TBCE: variants seen among roughly 807,000 people sequenced by gnomAD.
TBCE encodes tubulin folding cofactor E, also known as tubulin-specific chaperone E.
TBCE carries 53 observed loss-of-function variants against 77.0 expected under a neutral mutation model. The observed-to-expected ratio is 0.69, with a 90% CI of 0.55 to 0.87. The LOEUF is 0.87. Ranked by LOEUF, TBCE falls within the 40% of genes least tolerant of loss-of-function variation. The pLI, the probability that TBCE is intolerant of heterozygous loss-of-function variation, is 0.00. For missense variants in TBCE, 624 were observed against 622.4 expected, an observed-to-expected ratio of 1.00 and a Z score of -0.03; for synonymous variants, 235 against 241.3, an observed-to-expected ratio of 0.97 and a Z score of 0.24.
At chr1:235,412,136 CT>C in intron 3 of TBCE, among the ~76,000 whole-genome samples, 1 of 13,070 alleles carries the variant, frequency 7.7e-5, no homozygotes, top group South Asian at 2.7e-3. Context: ...TTCCCTTCTC[CT>C]CCCCTTCCCC....
At chr1:235,414,100 C>T (rs1463310495) in intron 3 of TBCE, 1 of 324,674 alleles carries the variant, frequency 3.1e-6, no homozygotes, top group South Asian at 2.6e-5. Context: ...AGGTGGTCCT[C>T]CTGCCTTGGC....
At chr1:235,370,530 C>T (rs12129038) in intron 1 of TBCE, among the ~76,000 whole-genome samples, 27,824 of 148,432 alleles carry the variant, frequency 0.19, 2,798 homozygotes, top group Middle Eastern at 0.28. Flanking sequence ...GGATTACAGG[C>T]GTGAGCCACT....
chr1:235,411,641 A>G (rs1279688032), intron 3 of TBCE, among the ~76,000 whole-genome samples: 1 of 152,226 alleles, frequency 6.6e-6, no homozygotes, highest in Non-Finnish European at 1.5e-5. Flanking sequence ...CAGAGCAGCC[A>G]GTAAACTAGG....
intron 7 of TBCE, among the ~76,000 whole-genome samples, chr1:235,431,143 C>T (rs1681059907): frequency 2.0e-5 from 3 of 152,038 alleles, no homozygotes; most frequent in African/African-American, 7.2e-5. Context: ...CCTGAGTTTT[C>T]CTGTTAGTTT....
chr1:235,421,707 CA>C (rs200460972), intron 5 of TBCE, among the ~76,000 whole-genome samples: 1 of 149,636 alleles, frequency 6.7e-6, no homozygotes, highest in Non-Finnish European at 1.5e-5. Context: ...GACTCTGTTT[CA>C]AAAAAAAAGA....
intron 3 of TBCE, among the ~76,000 whole-genome samples, chr1:235,402,213 A>G (rs1679154761): frequency 6.6e-6 from 1 of 151,678 alleles, no homozygotes; most frequent in Non-Finnish European, 1.5e-5. Flanking sequence ...ACAGGTGCCC[A>G]CGACCACGCC....
At chr1:235,386,157 T>A (rs1471990796) in intron 2 of TBCE, among the ~76,000 whole-genome samples, 1 of 152,184 alleles carries the variant, frequency 6.6e-6, no homozygotes, top group Non-Finnish European at 1.5e-5. Context: ...CACTCTCTTC[T>A]GGCTTGTAGA....
intron 7 of TBCE, among the ~76,000 whole-genome samples, chr1:235,431,363 C>CTT (rs60208965): frequency 2.1e-5 from 3 of 141,296 alleles, no homozygotes; most frequent in Non-Finnish European, 3.1e-5. Context: ...ATTCCACTTT[C>CTT]TTTTTTTTTT....
intron 4 of TBCE, 91 bp downstream of exon 4, chr1:235,414,709 A>ATG: frequency 7.7e-7 from 1 of 1,298,928 alleles, no homozygotes. Flanking sequence ...GATGCTCATG[A>ATG]CTTTGCTCCT....
intron 4 of TBCE, chr1:235,418,416 C>T (rs1680216796): frequency 6.6e-6 from 1 of 152,196 alleles, no homozygotes; most frequent in African/African-American, 2.4e-5. Context: ...GGTCTGGTTC[C>T]AGATTCTGTG....
At chr1:235,406,482 T>C (rs1679435922) in intron 3 of TBCE, among the ~76,000 whole-genome samples, 1 of 152,250 alleles carries the variant, frequency 6.6e-6, no homozygotes, top group Admixed American at 6.5e-5. Flanking sequence ...CCGCACAGAC[T>C]AGATCGTCTT....
At chr1:235,439,335 C>CA (rs564864054) in intron 13 of TBCE, among the ~76,000 whole-genome samples, 2,044 of 140,892 alleles carry the variant, frequency 0.015, 68 homozygotes, top group African/African-American at 0.048. Context: ...ACTAAAAATA[C>CA]AAAAAAAAAA....
At chr1:235,394,442 T>TTG (rs1678605821) in intron 2 of TBCE, among the ~76,000 whole-genome samples, 1 of 130,244 alleles carries the variant, frequency 7.7e-6, no homozygotes. Flanking sequence ...TTTTTTTTTT[T>TTG]TGAGACAGGT....
intron 3 of TBCE, among the ~76,000 whole-genome samples, chr1:235,412,930 A>G (rs1445118299): frequency 6.6e-6 from 1 of 152,088 alleles, no homozygotes; most frequent in Admixed American, 6.6e-5. Context: ...CAGCCTCCCC[A>G]GTAGCTGGGA....
At chr1:235,389,930 C>T (rs1238169037) in intron 2 of TBCE, among the ~76,000 whole-genome samples, 2 of 152,018 alleles carry the variant, frequency 1.3e-5, no homozygotes, top group Non-Finnish European at 2.9e-5. Flanking sequence ...TGAGACCAGC[C>T]TGACCAACAT....
chr1:235,421,227 C>T (rs1018116546), intron 5 of TBCE, among the ~76,000 whole-genome samples: 4 of 151,664 alleles, frequency 2.6e-5, no homozygotes, highest in African/African-American at 7.3e-5. Context: ...GGCAACATTG[C>T]CAGACCTTGT....
chr1:235,443,110 C>T lies in TBCE; in HGVS notation c.1399+199C>T, dbSNP rs570627275. ...ATGCCCCCAAAAGTTCAGGTCTCCC[C>T]TAACTTTATCAGCTGAAAGCAGTTC... On this transcript the variant is annotated intron_variant, in intron 15 of 16. Transcript: ENST00000642610. 8.1e-5 allele frequency: 49 copies of T among 602,968 alleles called. No homozygotes were observed. The South Asian group carries it at 9.4e-4, about 12-fold the overall frequency. The allele number at this position is 602,968 out of a possible 1,614,324, so 37.4% of individuals were successfully genotyped here.
At chr1:235,440,071 C>T (rs571890364) in intron 13 of TBCE, among the ~76,000 whole-genome samples, 190 of 151,706 alleles carry the variant, frequency 1.3e-3, no homozygotes, top group Non-Finnish European at 2.3e-3. Flanking sequence ...CCCGGGTTCA[C>T]GCCATTCTCC....
Position 235,441,820 on chromosome 1 carries a change from G to A in TBCE, c.1277G>A (p.Gly426Asp). The change falls in exon 14 of 17, where the codon GGT (glycine) becomes GAT (aspartate). Residue 426 changes from glycine to aspartate, a missense_variant. Transcript: ENST00000642610. ...PRYQFLCLKYGAPEDWELKTQ... is the reference protein window; with the variant it reads ...PRYQFLCLKYDAPEDWELKTQ... ...CTTTTGCTTTCTTAAACAGAATATGGTGCACCTGAAGATTGGGAACTCAAA... is the reference window on the plus strand; with the variant it reads ...CTTTTGCTTTCTTAAACAGAATATGATGCACCTGAAGATTGGGAACTCAAA... The A allele has an allele frequency of 6.2e-7, 1 of 1,613,868 alleles. No individual in the cohort carries two copies. Among genetic ancestry groups the A allele is most frequent in the Non-Finnish European group, 8.5e-7 (1 of 1,179,922 alleles).
Sources: allele counts gnomAD v4.1 joint callset (sites outside exome capture counted in the v4.1 genomes callset), GRCh38; gene constraint gnomAD v4.1.1; transcripts MANE v1.5; gene names NCBI Gene and HGNC (gene_info 2026-07-23, HGNC 2026-07-21).